FGF12: variants seen among roughly 807,000 people sequenced by gnomAD.
FGF12 encodes the protein fibroblast growth factor 12.
FGF12 carries 14 observed loss-of-function variants against 23.6 expected under a neutral mutation model. That is an observed-to-expected ratio of 0.59 (90% CI 0.39 to 0.93). FGF12 has a LOEUF of 0.93. Among genes scored for constraint, FGF12 ranks in the 40% least tolerant of loss-of-function variants. FGF12 has a pLI of 0.00. For synonymous variants in FGF12, 62 were observed against 77.3 expected (o/e 0.80, Z 1.04); for missense variants, 175 against 217.8 (o/e 0.80, Z 1.24).
At chr3:192,553,863 G>A (rs9822281) in intron 2 of FGF12, among the ~76,000 whole-genome samples, 1 of 152,122 alleles carries the variant, frequency 6.6e-6, no homozygotes, top group Non-Finnish European at 1.5e-5. Flanking sequence ...AAAACAAAAG[G>A]GCCAGGTTGG....
chr3:192,161,505 TACACACACACAC>T (rs10543146), intron 5 of FGF12, among the ~76,000 whole-genome samples: 5 of 149,586 alleles, frequency 3.3e-5, no homozygotes, highest in Admixed American at 2.0e-4. Flanking sequence ...AACGCCTATT[TACACACACACAC>T]ACACACACAC....
At chr3:192,456,441 T>A (rs1397662909) in intron 2 of FGF12, among the ~76,000 whole-genome samples, 1 of 152,288 alleles carries the variant, frequency 6.6e-6, no homozygotes, top group African/African-American at 2.4e-5. Context: ...TCATTAAAAA[T>A]ACTTTCCAAA....
rs59504943 is a variant in FGF12, at chr3:192,279,230, G to GTATATATATATATA, written c.228+56117_228+56130dup. Among the ~76,000 whole-genome samples, 889 of 131,828 alleles carry GTATATATATATATA rather than the reference G, an allele frequency of 6.7e-3. 19 individuals carry two copies. Among genetic ancestry groups the GTATATATATATATA allele is most frequent in the African/African-American group, 0.016 (507 of 32,422 alleles). 86.5% of individuals were successfully genotyped at this position (131,828 alleles called of 152,430 possible). On this transcript the variant is annotated intron_variant, in intron 4 of 5. Transcript: ENST00000445105. ...TAAGTCATGCTTGGTTAATGTATGAGTATATATATATATATATATATATAA... is the reference window on the plus strand; with the variant it reads ...TAAGTCATGCTTGGTTAATGTATGAGTATATATATATATATATATATATATATATATATATATAA...
chr3:192,230,894 A>G lies in FGF12; in HGVS notation c.229-60238T>C, dbSNP rs189331428. 2.1e-3 allele frequency among the ~76,000 whole-genome samples: 324 copies of G among 152,314 alleles called. 2 individuals carry two copies. The highest frequency in any genetic ancestry group is 3.9e-3 in the South Asian group (19 of 4,822). The stretch of plus-strand genomic sequence containing the variant: ...AAGTTGAAAAATATAGATGGTAGAC[A>G]TAGTCCTGGAATTTTCAAAACAAGA... On this transcript the variant is annotated intron_variant, in intron 4 of 5. Transcript: ENST00000445105.
At position 192,593,058 on chromosome 3, in the gene FGF12, T is replaced by C. The variant is rs570511893; in HGVS notation, c.13+134123A>G. Among the ~76,000 whole-genome samples the C allele has an allele frequency of 1.3e-4, 20 of 152,012 alleles. No individual in the cohort carries two copies. In the South Asian group the frequency reaches 2.9e-3, roughly 22 times the overall value. The stretch of plus-strand genomic sequence containing the variant: ...GAACCTATATTCAGAACAGCAGCCA[T>C]GTGATCCCTTTAAAATGCAAGTAAC... On this transcript the variant is annotated intron_variant, in intron 2 of 5. Coordinates refer to ENST00000445105, the MANE Select transcript of FGF12 (RefSeq NM_004113.6).
intron 2 of FGF12, among the ~76,000 whole-genome samples, chr3:192,632,162 C>G (rs1715413030): frequency 6.6e-6 from 1 of 152,176 alleles, no homozygotes; most frequent in Admixed American, 6.5e-5. Flanking sequence ...CTCCTTCCCC[C>G]CATCTAATCC....
At chr3:192,220,823 G>A (rs1283344846) in intron 4 of FGF12, among the ~76,000 whole-genome samples, 6 of 152,130 alleles carry the variant, frequency 3.9e-5, no homozygotes. Context: ...TTGAACAAAT[G>A]GAAACATGAT....
chr3:192,705,268 T>C (rs561980948), intron 2 of FGF12, among the ~76,000 whole-genome samples: 1 of 152,340 alleles, frequency 6.6e-6, no homozygotes, highest in African/African-American at 2.4e-5. Flanking sequence ...GTGAGAGACA[T>C]GTGACTCTTC....
chr3:192,260,219 C>T (rs60944203), intron 4 of FGF12, among the ~76,000 whole-genome samples: 63,504 of 151,898 alleles, frequency 0.42, 14,164 homozygotes, highest in East Asian at 0.94. Context: ...AGATACCATA[C>T]CAGGGTAGTT....
chr3:192,567,783 T>TTCTTTCTTTCTTTCTC (rs1712394752), intron 2 of FGF12, among the ~76,000 whole-genome samples: 1 of 135,364 alleles, frequency 7.4e-6, no homozygotes, highest in African/African-American at 2.7e-5. Context: ...CTTTCTTTCT[T>TTCTTTCTTTCTTTCTC]TCTTTCTTTC....
intron 4 of FGF12, among the ~76,000 whole-genome samples, chr3:192,287,586 A>C (rs1254804381): frequency 6.6e-6 from 1 of 152,036 alleles, no homozygotes; most frequent in African/African-American, 2.4e-5. Flanking sequence ...TAGTAAAACC[A>C]CTAACCCCAA....
At chr3:192,343,483 G>T (rs940563240) in intron 3 of FGF12, among the ~76,000 whole-genome samples, 6 of 151,986 alleles carry the variant, frequency 3.9e-5, no homozygotes, top group African/African-American at 1.2e-4. Context: ...CATAATATTT[G>T]CAGGCCACTC....
chr3:192,510,418 A>G (rs754917596), intron 2 of FGF12, among the ~76,000 whole-genome samples: 17 of 152,254 alleles, frequency 1.1e-4, no homozygotes, highest in Non-Finnish European at 1.8e-4. Context: ...AATTGCATCA[A>G]TAATGAGAAA....
chr3:192,328,703 G>A (rs922704693), intron 4 of FGF12, among the ~76,000 whole-genome samples: 2 of 152,342 alleles, frequency 1.3e-5, no homozygotes, highest in Admixed American at 1.3e-4. Context: ...GGTGCCAGAA[G>A]TGAGGGTGGT....
At chr3:192,347,735 G>T (rs1292935558) in intron 3 of FGF12, among the ~76,000 whole-genome samples, 1 of 152,088 alleles carries the variant, frequency 6.6e-6, no homozygotes, top group East Asian at 1.9e-4. Context: ...TTCAAAAATG[G>T]CTTCTTACCC....
intron 2 of FGF12, among the ~76,000 whole-genome samples, chr3:192,561,259 C>T (rs1712007036): frequency 6.6e-6 from 1 of 152,018 alleles, no homozygotes; most frequent in South Asian, 2.1e-4. Flanking sequence ...TTTGAACAGG[C>T]ACGTCAGAAC....
At chr3:192,540,469 A>G (rs1323631779) in intron 2 of FGF12, among the ~76,000 whole-genome samples, 2 of 152,036 alleles carry the variant, frequency 1.3e-5, no homozygotes, top group Admixed American at 1.3e-4. Context: ...CTTGTTAATG[A>G]TTTCTAGTTT....
chr3:192,269,935 T>C (rs1431498930), intron 4 of FGF12, among the ~76,000 whole-genome samples: 1 of 152,142 alleles, frequency 6.6e-6, no homozygotes, highest in Non-Finnish European at 1.5e-5. Flanking sequence ...CCCTGTGTTA[T>C]AAAGAGAAAC....
chr3:192,668,898 C>A (rs1179337630), intron 2 of FGF12, among the ~76,000 whole-genome samples: 2 of 151,960 alleles, frequency 1.3e-5, no homozygotes, highest in African/African-American at 2.4e-5. Context: ...AGGATTAGAA[C>A]CCTCAGAGAA....
Sources: allele counts gnomAD v4.1 joint callset (sites outside exome capture counted in the v4.1 genomes callset), GRCh38; gene constraint gnomAD v4.1.1; transcripts MANE v1.5; gene names NCBI Gene and HGNC (gene_info 2026-07-23, HGNC 2026-07-21).